The following TTN variants were observed in gnomAD, a reference collection of about 807,000 sequenced individuals.
The protein encoded by TTN is titin.
Under a neutral mutation model 3,223.0 loss-of-function variants are expected in TTN, and 1,525 were observed. The observed-to-expected ratio is 0.47, with a 90% CI of 0.45 to 0.49. The LOEUF (loss-of-function observed/expected upper bound fraction) is 0.49. Among genes scored for constraint, TTN ranks in the 20% least tolerant of loss-of-function variants. The pLI is 0.00. For missense variants in TTN, 40,786 were observed against 43,424.0 expected (o/e 0.94, Z 5.40); for synonymous variants, 14,094 against 15,161.0 (o/e 0.93, Z 5.17).
In TTN at chr2:178,527,686, C is replaced by A; in HGVS notation, c.107440G>T (p.Gly35814Ter). Residue 35814 changes from glycine (G) to a stop codon, truncating the protein, a stop_gained, in exon 362 of 363, where the codon GGA (glycine) becomes TGA (stop). Transcript: ENST00000589042. LOFTEE classifies it high-confidence loss of function. ...TGGACTGACTGAGACGAGAAGCTTC[C>A]TTGCAAGCTTGTGTCACCACTTGTT... ...LRTSGDTSLQ[G>*]SFSSQSVQMS... 1 of 1,613,158 alleles carries A rather than the reference C, an allele frequency of 6.2e-7. No individual in the cohort carries two copies. The highest frequency in any genetic ancestry group is 8.5e-7 in the Non-Finnish European group (1 of 1,179,230).
At position 178,566,813 on chromosome 2, in the gene TTN, C is replaced by T. The variant is rs56044609; in HGVS notation, c.79319G>A (p.Arg26440His). The change falls in exon 326 of 363, where the codon CGC becomes CAC. Residue 26440 changes from arginine to histidine, a missense_variant. Transcript: ENST00000589042. ...GIRWIKCNKR[R>H]ITDLRLRVTG... ...CACTCTTAGACGCAAATCTGTAATGCGGCGTTTATTACATTTTATCCATCG... is the reference window on the plus strand; with the variant it reads ...CACTCTTAGACGCAAATCTGTAATGTGGCGTTTATTACATTTTATCCATCG... 1,694 of 1,613,268 alleles carry T rather than the reference C, an allele frequency of 1.1e-3. 20 individuals carry two copies. The African/African-American group carries it at 0.017, about 16-fold the overall frequency.
chr2:178,601,217 A>G (rs2053349830), intron 287 of TTN, 46 bp from the exon 288 acceptor site: 3 of 1,518,486 alleles, frequency 2.0e-6, no homozygotes, highest in African/African-American at 2.8e-5. Flanking sequence ...TTATAATAAT[A>G]TACTTCAATT....
At chr2:178,800,292 A>ATTCT in intron 4 of TTN, 103 bp downstream of exon 4, 1 of 1,464,338 alleles carries the variant, frequency 6.8e-7, no homozygotes, top group Non-Finnish European at 9.4e-7. Flanking sequence ...AGCTCACAGC[A>ATTCT]TTCTTCCCAG....
In TTN at chr2:178,613,090, C is replaced by A; in HGVS notation, c.49649-18G>T. On this transcript the variant is annotated intron_variant, in intron 264 of 362. Coordinates refer to ENST00000589042, the MANE Select transcript of TTN (RefSeq NM_001267550.2). The stretch of plus-strand genomic sequence containing the variant: ...TGGAGGATCTGCAAGCCAATGAAAT[C>A]ATTGTTTAGGTTTGTCAAAAAGGAG... The A allele has an allele frequency of 6.2e-7, 1 of 1,612,240 alleles. No individual in the cohort carries two copies. Among genetic ancestry groups the A allele is most frequent in the South Asian group, 1.1e-5 (1 of 90,926 alleles).
At chr2:178,691,615 C>T (rs1341862514) in intron 121 of TTN, among the ~76,000 whole-genome samples, 2 of 152,154 alleles carry the variant, frequency 1.3e-5, no homozygotes, top group African/African-American at 4.8e-5. Flanking sequence ...CTCCAGTTGT[C>T]ATTGCCTGTC....
chr2:178,759,017 G>A lies in TTN; in HGVS notation c.10270C>T (p.Gln3424Ter). The change falls in exon 44 of 363, where the codon CAA becomes TAA. Residue 3424 changes from glutamine to a stop codon, truncating the protein, a stop_gained. Coordinates refer to ENST00000589042, the MANE Select transcript of TTN (RefSeq NM_001267550.2). LOFTEE classifies it high-confidence loss of function. The part of the protein sequence containing the change: ...YTFVASNAVG[Q>*]VSSTANLSLE... Reference sequence around the variant, plus strand: ...CTCAGGTTGGCTGTGCTTGATACTTGGCCTACAGCATTACTAGCAACAAAC... The same window carrying A: ...CTCAGGTTGGCTGTGCTTGATACTTAGCCTACAGCATTACTAGCAACAAAC... 6.2e-7 allele frequency: 1 copy of A among 1,613,894 alleles called. No individual in the cohort carries two copies. Among genetic ancestry groups the A allele is most frequent in the Non-Finnish European group, 8.5e-7 (1 of 1,179,912 alleles).
chr2:178,552,847 G>T lies in TTN; in HGVS notation c.90053C>A (p.Pro30018His). The change falls in exon 335 of 363, where the codon CCC becomes CAC. Residue 30018 changes from proline to histidine, a missense_variant. Coordinates refer to ENST00000589042, the MANE Select transcript of TTN (RefSeq NM_001267550.2). Reference sequence around the variant, plus strand: ...CTTCACTGGCTCTGTAGTTTCACAGGGTTCCCCAATTCCAATTTCATTTTC... The same window carrying T: ...CTTCACTGGCTCTGTAGTTTCACAGTGTTCCCCAATTCCAATTTCATTTTC... ...LAENEIGIGE[P>H]CETTEPVKAA... The T allele has an allele frequency of 6.2e-7, 1 of 1,613,734 alleles. No homozygotes were observed. The highest frequency in any genetic ancestry group is 8.5e-7 in the Non-Finnish European group (1 of 1,179,802).
chr2:178,675,676 G>A lies in TTN; in HGVS notation c.34532C>T (p.Ala11511Val). 7.1e-7 allele frequency: 1 copy of A among 1,416,124 alleles called. No homozygotes were observed. The highest frequency in any genetic ancestry group is 1.7e-5 in the South Asian group (1 of 58,942). 87.7% of individuals were successfully genotyped at this position (1,416,124 alleles called of 1,614,324 possible). The change falls in exon 149 of 363, where the codon GCC becomes GTC. Residue 11511 changes from alanine to valine, a missense_variant. Transcript: ENST00000589042. ...CCTGTTATGGGATGATGTACCTTTG[G>A]CAGGAGGGGCCACTGCTTTCTTAAG... ...PGLKKAVAPP[A>V]KVPEVPKKVE...
chr2:178,693,733 G>C, intron 118 of TTN, 44 bp from the exon 119 acceptor site: 1 of 1,423,632 alleles, frequency 7.0e-7, no homozygotes, highest in Non-Finnish European at 9.7e-7. Flanking sequence ...CCATGTTGTG[G>C]GTGGTAATTG....
At chr2:178,779,587 G>C in intron 22 of TTN, 125 bp from the exon 23 acceptor site, 1 of 676,688 alleles carries the variant, frequency 1.5e-6, no homozygotes, top group Admixed American at 3.0e-5. Context: ...GGACTTTTTG[G>C]TTTGTTTGTT....
At chr2:178,780,318 T>C in intron 21 of TTN, 113 bp from the exon 22 acceptor site, 3 of 928,194 alleles carry the variant, frequency 3.2e-6, no homozygotes, top group Non-Finnish European at 5.1e-6. Context: ...AAAACCAAAT[T>C]TTCCAAATAT....
At position 178,541,450 on chromosome 2, in the gene TTN, C is replaced by T. The variant is rs1289223812; in HGVS notation, c.97627G>A (p.Ala32543Thr). 6.2e-6 allele frequency: 10 copies of T among 1,613,210 alleles called. No individual in the cohort carries two copies. The highest frequency in any genetic ancestry group is 3.4e-6 in the Non-Finnish European group (4 of 1,179,546). The change falls in exon 350 of 363, where the codon GCA becomes ACA. Residue 32543 changes from alanine (A) to threonine (T), a missense_variant. Ala to Thr is a moderately conservative substitution (Grantham distance 58, BLOSUM62 0). Coordinates refer to ENST00000589042, the MANE Select transcript of TTN (RefSeq NM_001267550.2). The stretch of plus-strand genomic sequence containing the variant: ...TTATTTACACGGACCCATCGATCTG[C>T]TCTCACTTCTTTGCGCTCCACAATA... ...GYIVERKEVR[A>T]DRWVRVNKVP...
chr2:178,727,507 G>A (rs1476765070), intron 68 of TTN, 78 bp downstream of exon 68: 2 of 1,512,170 alleles, frequency 1.3e-6, no homozygotes, highest in East Asian at 2.3e-5. Context: ...TTTCTTGATT[G>A]TTTAGAGACA....
In TTN at chr2:178,531,388, G is replaced by A. The variant is rs747940468; in HGVS notation, c.105227C>T (p.Ser35076Leu). 5 of 1,613,908 alleles carry A rather than the reference G, an allele frequency of 3.1e-6. No individual in the cohort carries two copies. The highest frequency in any genetic ancestry group is 1.6e-4 in the Middle Eastern group (1 of 6,084). Residue 35076 changes from serine (S) to leucine (L), a missense_variant, in exon 358 of 363, where the codon TCG (serine) becomes TTG (leucine). By Grantham distance (145) the Ser-to-Leu change is moderately radical. Transcript: ENST00000589042. ...TGATTTCACTTCCCTGACAGAAGAC[G>A]AAGCTTCCATCTCAGATGTTTTCTT... is the stretch of plus-strand genomic sequence containing the variant. Reference protein sequence around the residue: ...SFKKTSEMEASSSVREVKSQM... With the variant: ...SFKKTSEMEALSSVREVKSQM...
At chr2:178,773,088 T>G (rs1396100749) in intron 33 of TTN, 21 bp downstream of exon 33, 1 of 1,613,414 alleles carries the variant, frequency 6.2e-7, no homozygotes, top group African/African-American at 1.3e-5. Flanking sequence ...CGTAAGAATT[T>G]AGGTTAATAA....
At chr2:178,757,456 A>C in intron 45 of TTN, 86 bp downstream of exon 45, 2 of 1,454,832 alleles carry the variant, frequency 1.4e-6, no homozygotes, top group Non-Finnish European at 1.8e-6. Flanking sequence ...GTATGCAATA[A>C]AACAAACAGC....
chr2:178,591,785 A>G lies in TTN; in HGVS notation c.60034T>C (p.Tyr20012His). The G allele has an allele frequency of 6.2e-7, 1 of 1,613,288 alleles. No homozygotes were observed. The highest frequency in any genetic ancestry group is 1.3e-5 in the African/African-American group (1 of 74,998). ...CCTTCTTCTTGATATTCTACCAAAT[A>G]TCCAGTGATTGGAGAACCACCATCA... ...DRDGGSPITGYLVEYQEEGTQ... is the reference protein window; with the variant it reads ...DRDGGSPITGHLVEYQEEGTQ... The change falls in exon 303 of 363, where the codon TAT becomes CAT. Residue 20012 changes from tyrosine (Y) to histidine (H), a missense_variant. Physicochemically the swap from Tyr to His is moderately conservative, Grantham distance 83 (BLOSUM62 2). Transcript: ENST00000589042.
At position 178,717,808 on chromosome 2, in the gene TTN, G is replaced by A. The variant is rs201810836; in HGVS notation, c.25066C>T (p.Arg8356Cys). ...CTTGCAAAGAAAGGTGGAAGTTTGC[G>A]CGCTGTAAAGAAGTTACAGATAATC... ...ASSAVLVIKARKLPPFFARKL... is the reference protein window; with the variant it reads ...ASSAVLVIKACKLPPFFARKL... The change falls in exon 87 of 363, where the codon CGC becomes TGC. Residue 8356 changes from arginine (R) to cysteine (C), a missense_variant and splice_region_variant. Transcript: ENST00000589042. 178 of 1,604,172 alleles carry A rather than the reference G, an allele frequency of 1.1e-4. No individual in the cohort carries two copies. The highest frequency in any genetic ancestry group is 9.6e-4 in the East Asian group (43 of 44,736).
At position 178,572,826 on chromosome 2, in the gene TTN, T is replaced by G. The variant is rs1301799099; in HGVS notation, c.73306A>C (p.Lys24436Gln). The G allele has an allele frequency of 6.2e-7, 1 of 1,613,312 alleles. No individual in the cohort carries two copies. Among genetic ancestry groups the G allele is most frequent in the Non-Finnish European group, 8.5e-7 (1 of 1,179,582 alleles). Residue 24436 changes from lysine (K) to glutamine (Q), a missense_variant, in exon 326 of 363, where the codon AAA (lysine) becomes CAA (glutamine). Physicochemically the swap from Lys to Gln is moderately conservative, Grantham distance 53 (BLOSUM62 1). Coordinates refer to ENST00000589042, the MANE Select transcript of TTN (RefSeq NM_001267550.2). ...CAGCAGGCCCTTATAGTAACAACTT[T>G]GCGCAGGTCAGCATCCAGTTCAATT... ...PEIELDADLRKVVTIRACCTL... is the reference protein window; with the variant it reads ...PEIELDADLRQVVTIRACCTL...
Sources: allele counts gnomAD v4.1 joint callset (sites outside exome capture counted in the v4.1 genomes callset), GRCh38; gene constraint gnomAD v4.1.1; transcripts MANE v1.5; gene names NCBI Gene and HGNC (gene_info 2026-07-23, HGNC 2026-07-21).